Variants in STK38L observed in about 807,000 individuals in gnomAD.
STK38L encodes serine/threonine kinase 38 like.
A neutral mutation model predicts 59.7 loss-of-function variants in STK38L; 28 were observed. The observed-to-expected ratio is 0.47, with a 90% CI of 0.35 to 0.64. The LOEUF is 0.64. Ranked by LOEUF, STK38L falls within the 30% of genes least tolerant of loss-of-function variation. STK38L has a pLI of 0.01. For synonymous variants in STK38L, 162 were observed against 176.8 expected (o/e 0.92, Z 0.66); for missense variants, 314 against 555.8 (o/e 0.56, Z 4.37).
intron 1 of STK38L, among the ~76,000 whole-genome samples, chr12:27,278,108 C>T (rs1290470909): frequency 6.6e-6 from 1 of 152,214 alleles, no homozygotes; most frequent in Non-Finnish European, 1.5e-5. Flanking sequence ...ACAGTTTAGG[C>T]ATATGATCTA....
Position 27,308,406 on chromosome 12 carries a change from T to A in STK38L, c.254T>A (p.Leu85His), listed in dbSNP as rs1189320275. 1 of 1,599,628 alleles carries A rather than the reference T, an allele frequency of 6.3e-7. No individual in the cohort carries two copies. The highest frequency in any genetic ancestry group is 1.7e-5 in the Admixed American group (1 of 58,748). ...TEFLRLKRTR[L>H]GLDDFESLKV... ...TTCTTACGGCTCAAAAGGACCAGACTTGGCTTGGATGACTTTGAGTCTCTG... is the reference window on the plus strand; with the variant it reads ...TTCTTACGGCTCAAAAGGACCAGACATGGCTTGGATGACTTTGAGTCTCTG... The change falls in exon 4 of 14, where the codon CTT becomes CAT. Residue 85 changes from leucine to histidine, a missense_variant. Physicochemically the swap from Leu to His is moderately conservative, Grantham distance 99 (BLOSUM62 -3). Transcript: ENST00000389032. This position sits in a 1 kb window ranked among gnomAD's most constrained non-coding sequence, Gnocchi z 4.5.
At chr12:27,268,626 A>G (rs1298378253) in intron 1 of STK38L, among the ~76,000 whole-genome samples, 1 of 152,214 alleles carries the variant, frequency 6.6e-6, no homozygotes, top group African/African-American at 2.4e-5. Context: ...TCCTTTGGGT[A>G]TATACCCAGT....
chr12:27,253,425 G>T (rs1014253726), intron 1 of STK38L, among the ~76,000 whole-genome samples: 67 of 68,360 alleles, frequency 9.8e-4, no homozygotes, highest in Non-Finnish European at 6.7e-4. Flanking sequence ...GGGAAGGAGA[G>T]ACTTGCATGG....
At chr12:27,245,462 A>G (rs1452782113) in intron 1 of STK38L, among the ~76,000 whole-genome samples, 2 of 152,120 alleles carry the variant, frequency 1.3e-5, no homozygotes, top group African/African-American at 4.8e-5. Context: ...CGGTCTCTCT[A>G]CTTTAAGGCA....
intron 1 of STK38L, among the ~76,000 whole-genome samples, chr12:27,277,924 A>T (rs995110677): frequency 1.3e-5 from 2 of 152,174 alleles, no homozygotes; most frequent in African/African-American, 4.8e-5. Flanking sequence ...TTCCAAGTGG[A>T]CTAGTAAATT....
At chr12:27,283,533 T>C (rs1050696350) in intron 1 of STK38L, among the ~76,000 whole-genome samples, 3 of 152,208 alleles carry the variant, frequency 2.0e-5, no homozygotes, top group Non-Finnish European at 4.4e-5. Flanking sequence ...AGTTCATAAG[T>C]GGCAGAGCCA....
intron 1 of STK38L, among the ~76,000 whole-genome samples, chr12:27,296,513 CAACCCTGG>C (rs1944025992): frequency 6.6e-6 from 1 of 152,234 alleles, no homozygotes; most frequent in Admixed American, 6.5e-5. Flanking sequence ...TTCATTCCAT[CAACCCTGG>C]AATCTAGTCC....
At chr12:27,280,931 A>G (rs904618092) in intron 1 of STK38L, among the ~76,000 whole-genome samples, 5 of 152,242 alleles carry the variant, frequency 3.3e-5, no homozygotes, top group African/African-American at 1.2e-4. Context: ...TGATCCTTTT[A>G]AGTTTCTTTA....
intron 1 of STK38L, among the ~76,000 whole-genome samples, chr12:27,257,552 G>A (rs1408311110): frequency 6.6e-6 from 1 of 152,138 alleles, no homozygotes; most frequent in Non-Finnish European, 1.5e-5. Flanking sequence ...GCCCTTTTCA[G>A]TCACACATTT....
At chr12:27,276,007 A>C (rs1384172674) in intron 1 of STK38L, among the ~76,000 whole-genome samples, 1 of 152,160 alleles carries the variant, frequency 6.6e-6, no homozygotes, top group Non-Finnish European at 1.5e-5. Flanking sequence ...CTTGCCATGG[A>C]TAGGCCTAAC....
intron 5 of STK38L, among the ~76,000 whole-genome samples, chr12:27,310,671 A>G (rs183345271): frequency 3.3e-4 from 51 of 152,348 alleles, no homozygotes; most frequent in Non-Finnish European, 6.0e-4. Flanking sequence ...AAATAATTTC[A>G]TTCTGTATGT....
At chr12:27,296,014 T>C (rs1218804720) in intron 1 of STK38L, among the ~76,000 whole-genome samples, 2 of 152,118 alleles carry the variant, frequency 1.3e-5, no homozygotes, top group African/African-American at 2.4e-5. Flanking sequence ...CAGATAAGGA[T>C]AGCAAGTTGG....
At chr12:27,252,388 T>C (rs941016327) in intron 1 of STK38L, among the ~76,000 whole-genome samples, 1 of 151,816 alleles carries the variant, frequency 6.6e-6, no homozygotes, top group Non-Finnish European at 1.5e-5. Context: ...AGACAGCTTA[T>C]TCAATGATCC....
At chr12:27,256,921 A>G (rs1354285111) in intron 1 of STK38L, among the ~76,000 whole-genome samples, 2 of 152,188 alleles carry the variant, frequency 1.3e-5, no homozygotes, top group Non-Finnish European at 2.9e-5. Context: ...TCCGTTTTAC[A>G]TCAAATAGAA....
At chr12:27,305,617 C>A (rs1371697201) in intron 3 of STK38L, among the ~76,000 whole-genome samples, 1 of 152,068 alleles carries the variant, frequency 6.6e-6, no homozygotes, top group East Asian at 1.9e-4. Flanking sequence ...GCTAGCTGAA[C>A]CCTTTTCATC....
intron 1 of STK38L, among the ~76,000 whole-genome samples, chr12:27,270,906 G>C (rs1373000617): frequency 1.3e-5 from 2 of 152,126 alleles, no homozygotes; most frequent in African/African-American, 4.8e-5. Flanking sequence ...ACTTCCTTTG[G>C]CTTAGTAGAG....
chr12:27,306,112 G>T (rs937177038), intron 3 of STK38L, among the ~76,000 whole-genome samples: 1 of 152,024 alleles, frequency 6.6e-6, no homozygotes, highest in African/African-American at 2.4e-5. Context: ...ATAGAATTAT[G>T]TGTTCCATAC....
At position 27,308,348 on chromosome 12, in the gene STK38L, C is replaced by A; in HGVS notation, c.196C>A (p.Arg66Ser). 1 of 1,550,914 alleles carries A rather than the reference C, an allele frequency of 6.4e-7. No homozygotes were observed. Among genetic ancestry groups the A allele is most frequent in the Non-Finnish European group, 8.7e-7 (1 of 1,150,522 alleles). Residue 66 changes from arginine (R) to serine (S), a missense_variant, in exon 4 of 14, where the codon CGT becomes AGT. Transcript: ENST00000389032. The surrounding 1 kb of genome is among the most constrained non-coding windows in gnomAD (Gnocchi z 4.5). ...EGLADEEKKL[R>S]RSQHARKETE... ...TGTTTTTTTTTAATAGAAAAAGTTA[C>A]GTCGATCACAACACGCTCGCAAAGA...
At chr12:27,288,074 T>A (rs909460372) in intron 1 of STK38L, among the ~76,000 whole-genome samples, 1 of 151,758 alleles carries the variant, frequency 6.6e-6, no homozygotes, top group African/African-American at 2.4e-5. Context: ...TAGAGATGAG[T>A]TTTCGTCATG....
Sources: gnomAD v4.1 joint callset for allele counts (sites outside exome capture counted in the v4.1 genomes callset) on GRCh38, gnomAD v4.1.1 for gene constraint, Gnocchi (gnomAD v3.1) non-coding constraint, MANE v1.5 for transcripts, NCBI Gene and HGNC (gene_info 2026-07-23, HGNC 2026-07-21) for gene names.